The following PTX3 variants were observed in gnomAD, a reference collection of about 807,000 sequenced individuals.
The protein encoded by PTX3 is pentraxin-related protein PTX3.
A neutral mutation model predicts 23.5 loss-of-function variants in PTX3; 24 were observed. The observed-to-expected ratio is 1.02, with a 90% CI of 0.74 to 1.43. The LOEUF is 1.43. Ranked by LOEUF, PTX3 falls within the 40% of genes most tolerant of loss-of-function variation. The probability of loss-of-function intolerance (pLI) is 0.00; values close to 1 mark genes in which losing one functional copy is unlikely to be tolerated. For missense variants in PTX3, 510 were observed against 497.5 expected, an observed-to-expected ratio of 1.02 and a Z score of -0.24; for synonymous variants, 218 against 205.4, an observed-to-expected ratio of 1.06 and a Z score of -0.53.
chr3:157,443,048 T>C lies in PTX3; in HGVS notation c.*69T>C. 6.6e-7 allele frequency: 1 copy of C among 1,519,750 alleles called. No homozygotes were observed. The highest frequency in any genetic ancestry group is 8.8e-7 in the Non-Finnish European group (1 of 1,135,148). 94.1% of individuals were successfully genotyped at this position (1,519,750 alleles called of 1,614,324 possible). On this transcript the variant is annotated 3_prime_UTR_variant, in exon 3 of 3. Coordinates refer to ENST00000295927, the MANE Select transcript of PTX3 (RefSeq NM_002852.4). ...TTAAAACACATGCCAGTTGGGAAGG[T>C]CTGAAAACTCAGTGCATAATAGGAA...
rs752668450 is a variant in PTX3, at chr3:157,442,692, G to C, written c.859G>C (p.Gly287Arg). 4 of 1,614,096 alleles carry C rather than the reference G, an allele frequency of 2.5e-6. No individual in the cohort carries two copies. The South Asian group carries it at 3.3e-5, about 13-fold the overall frequency. ...EEGLTSLWVN[G>R]ELAATTVEMA... ...AGGGCTCACATCCTTGTGGGTAAATGGTGAACTGGCGGCTACCACTGTTGA... is the reference window on the plus strand; with the variant it reads ...AGGGCTCACATCCTTGTGGGTAAATCGTGAACTGGCGGCTACCACTGTTGA... Residue 287 changes from glycine (G) to arginine (R), a missense_variant, in exon 3 of 3, where the codon GGT becomes CGT. Transcript: ENST00000295927.
rs1446528255 is a variant in PTX3, at chr3:157,443,157, AT to A, written c.*180del. On this transcript the variant is annotated 3_prime_UTR_variant, in exon 3 of 3. Coordinates refer to ENST00000295927, the MANE Select transcript of PTX3 (RefSeq NM_002852.4). ...CTGAATAAACAGTTGAAGGAAAGAC[AT>A]TGGAAAAAGCTTTTGAGGATAATGT... 1.4e-6 allele frequency: 1 copy of A among 720,514 alleles called. No individual in the cohort carries two copies. The highest frequency in any genetic ancestry group is 2.1e-6 in the Non-Finnish European group (1 of 467,948). The allele number at this position is 720,514 out of a possible 1,614,324, so 44.6% of individuals were successfully genotyped here.
chr3:157,438,736 G>A (rs1203775068), intron 2 of PTX3, among the ~76,000 whole-genome samples: 1 of 152,168 alleles, frequency 6.6e-6, no homozygotes, highest in Admixed American at 6.5e-5. Context: ...ACAGACATGG[G>A]TTCCCAAAAT....
At position 157,438,031 on chromosome 3, in the gene PTX3, G is replaced by GCACA. The variant is rs1213951055; in HGVS notation, c.532+118_532+119insACAC. 462 of 820,172 alleles carry GCACA rather than the reference G, an allele frequency of 5.6e-4. 1 individual carries two copies. In the African/African-American group the frequency reaches 9.1e-3, roughly 16 times the overall value. 50.8% of individuals were successfully genotyped at this position (820,172 alleles called of 1,614,324 possible). Reference sequence around the variant, plus strand: ...AAGCTTTCATGGGAAGCGCGCGCGCGCGCGCGCACACACACACACACACAC... The same window carrying GCACA: ...AAGCTTTCATGGGAAGCGCGCGCGCGCACACGCGCGCACACACACACACACACAC... On this transcript the variant is annotated intron_variant, in intron 2 of 2. Transcript: ENST00000295927.
At position 157,443,207 on chromosome 3, in the gene PTX3, T is replaced by C. The variant is rs944044118; in HGVS notation, c.*228T>C. On this transcript the variant is annotated 3_prime_UTR_variant, in exon 3 of 3. Coordinates refer to ENST00000295927, the MANE Select transcript of PTX3 (RefSeq NM_002852.4). ...GTTACTAGACTTTATGCCATGGTGC[T>C]TTCAGTTTAATGCTGTGTCTCTGTC... The C allele has an allele frequency of 2.1e-6, 1 of 478,352 alleles. No homozygotes were observed. The highest frequency in any genetic ancestry group is 3.6e-6 in the Non-Finnish European group (1 of 276,406). The allele number at this position is 478,352 out of a possible 1,614,324, so 29.6% of individuals were successfully genotyped here.
At chr3:157,442,298 A>T in intron 2 of PTX3, 68 bp from the exon 3 acceptor site, 1 of 1,325,510 alleles carries the variant, frequency 7.5e-7, no homozygotes, top group Non-Finnish European at 1.0e-6. Context: ...TTAAATAACT[A>T]ATGCCAGAAT....
rs191395494 is a variant in PTX3, at chr3:157,443,188, A to G, written c.*209A>G. The G allele has an allele frequency of 5.7e-4, 308 of 544,538 alleles. No homozygotes were observed. Among genetic ancestry groups the G allele is most frequent in the South Asian group, 1.9e-3 (54 of 28,616 alleles). The allele number at this position is 544,538 out of a possible 1,614,324, so 33.7% of individuals were successfully genotyped here. On this transcript the variant is annotated 3_prime_UTR_variant, in exon 3 of 3. Coordinates refer to ENST00000295927, the MANE Select transcript of PTX3 (RefSeq NM_002852.4). ...AAAAGCTTTTGAGGATAATGTTACT[A>G]GACTTTATGCCATGGTGCTTTCAGT...
rs1235857436 is a variant in PTX3 at position 157,437,719 on chromosome 3, C to G, written c.337C>G (p.Leu113Val). The change falls in exon 2 of 3, where the codon CTG becomes GTG. Residue 113 changes from leucine to valine, a missense_variant. Physicochemically the swap from Leu to Val is conservative, Grantham distance 32. Transcript: ENST00000295927. ...CAPGAPAEAR[L>V]TSALDELLQA... The stretch of plus-strand genomic sequence containing the variant: ...GCCGGGGGCTCCCGCAGAGGCCAGG[C>G]TGACCAGTGCTCTGGACGAGCTGCT... 2.5e-5 allele frequency: 38 copies of G among 1,528,046 alleles called. No individual in the cohort carries two copies. In the East Asian group the frequency reaches 8.7e-4, roughly 35 times the overall value. The allele number at this position is 1,528,046 out of a possible 1,614,324, so 94.7% of individuals were successfully genotyped here. A position where few individuals can be genotyped will look rare whatever the true frequency, so the allele number is the denominator to read the frequency against.
chr3:157,438,623 G>A (rs115111756), intron 2 of PTX3, among the ~76,000 whole-genome samples: 2,283 of 152,272 alleles, frequency 0.015, 21 homozygotes, highest in Non-Finnish European at 0.024. Context: ...GGGGATCCCA[G>A]CTCCACCCCA....
rs1293275251 is a variant in PTX3 at position 157,438,031 on chromosome 3, G to A, written c.532+117G>A. Reference sequence around the variant, plus strand: ...AAGCTTTCATGGGAAGCGCGCGCGCGCGCGCGCACACACACACACACACAC... The same window carrying A: ...AAGCTTTCATGGGAAGCGCGCGCGCACGCGCGCACACACACACACACACAC... On this transcript the variant is annotated intron_variant, in intron 2 of 2. Transcript: ENST00000295927. 116 of 820,254 alleles carry A rather than the reference G, an allele frequency of 1.4e-4. No individual in the cohort carries two copies. In the African/African-American group the frequency reaches 2.0e-3, roughly 14 times the overall value. 50.8% of individuals were successfully genotyped at this position (820,254 alleles called of 1,614,324 possible).
At chr3:157,438,888 A>G (rs1733894427) in intron 2 of PTX3, among the ~76,000 whole-genome samples, 1 of 152,204 alleles carries the variant, frequency 6.6e-6, no homozygotes, top group African/African-American at 2.4e-5. Context: ...TAGGTAAGAA[A>G]ATATAACTTG....
In PTX3 at chr3:157,437,523, C is replaced by A; in HGVS notation, c.141C>A (p.Cys47Ter). 6.2e-7 allele frequency: 1 copy of A among 1,605,626 alleles called. No individual in the cohort carries two copies. ...TATCCCGTACTCTAGCCACGCCGTG[C>A]GCCTGCGGTCAGGAGCACTCGGAAT... Reference protein sequence around the residue: ...GLHPTEDPTPCACGQEHSEWD... With the variant: ...GLHPTEDPTP The change falls in exon 2 of 3, where the codon TGC becomes TGA. Residue 47 changes from cysteine (C) to a stop codon, truncating the protein, a stop_gained. Transcript: ENST00000295927. LOFTEE classifies it high-confidence loss of function.
Position 157,436,975 on chromosome 3 carries a change from A to C in PTX3, c.42A>C (p.Ala14=). ...TTCTGTTTTGTGCTCTCTGGTCTGC[A>C]GTGTTGGCCGAGAACTCGGATGATT... ...LAILFCALWS[A]VLAENSDDYD... Residue 14 remains alanine, a synonymous_variant, in exon 1 of 3, where the codon GCA becomes GCC. Transcript: ENST00000295927. 1 of 1,613,992 alleles carries C rather than the reference A, an allele frequency of 6.2e-7. No homozygotes were observed. Among genetic ancestry groups the C allele is most frequent in the Non-Finnish European group, 8.5e-7 (1 of 1,179,934 alleles).
intron 2 of PTX3, among the ~76,000 whole-genome samples, chr3:157,438,171 G>A: frequency 6.6e-6 from 1 of 152,064 alleles, no homozygotes; most frequent in East Asian, 1.9e-4. Context: ...GAGCCCTAAA[G>A]AGAGTTGTGG....
Position 157,442,988 on chromosome 3 carries a change from A to G in PTX3, c.*9A>G. ...CTCAGTATGTTTCATAAATGTTGTG[A>G]AACTCCACTTGAAGCCAAAGAAAGA... On this transcript the variant is annotated 3_prime_UTR_variant, in exon 3 of 3. Coordinates refer to ENST00000295927, the MANE Select transcript of PTX3 (RefSeq NM_002852.4). 6.3e-7 allele frequency: 1 copy of G among 1,580,664 alleles called. No homozygotes were observed. The highest frequency in any genetic ancestry group is 1.2e-5 in the South Asian group (1 of 86,216).
chr3:157,438,066 C>A, intron 2 of PTX3, 152 bp downstream of exon 2: 1 of 753,220 alleles, frequency 1.3e-6, no homozygotes, highest in South Asian at 1.8e-5. Flanking sequence ...CACACACACA[C>A]ACACACCCCT....
At chr3:157,441,962 C>A (rs190163307) in intron 2 of PTX3, among the ~76,000 whole-genome samples, 25 of 152,128 alleles carry the variant, frequency 1.6e-4, no homozygotes, top group African/African-American at 5.3e-4. Flanking sequence ...AAAGAGAGAA[C>A]CAGGTTGGGT....
In PTX3 at chr3:157,443,214, T is replaced by A. The variant is rs921351889; in HGVS notation, c.*235T>A. On this transcript the variant is annotated 3_prime_UTR_variant, in exon 3 of 3. Transcript: ENST00000295927. ...GACTTTATGCCATGGTGCTTTCAGT[T>A]TAATGCTGTGTCTCTGTCAGATAAA... 2.6e-5 allele frequency: 12 copies of A among 455,088 alleles called. No individual in the cohort carries two copies. Among genetic ancestry groups the A allele is most frequent in the East Asian group, 1.6e-4 (5 of 30,364 alleles). The allele number at this position is 455,088 out of a possible 1,614,324, so 28.2% of individuals were successfully genotyped here. A position where few individuals can be genotyped will look rare whatever the true frequency, so the allele number is the denominator to read the frequency against.
chr3:157,437,144 G>A, intron 1 of PTX3, 81 bp downstream of exon 1: 2 of 1,531,784 alleles, frequency 1.3e-6, no homozygotes, highest in Non-Finnish European at 1.8e-6. Flanking sequence ...TATACTTTGT[G>A]GCCAGTGAGA....
Sources: allele counts gnomAD v4.1 joint callset (sites outside exome capture counted in the v4.1 genomes callset), GRCh38; gene constraint gnomAD v4.1.1; transcripts MANE v1.5; gene names NCBI Gene and HGNC (gene_info 2026-07-23, HGNC 2026-07-21).